The following DENND5A variants were observed in gnomAD, a reference collection of about 807,000 sequenced individuals.
DENND5A encodes DENN domain-containing protein 5A.
A neutral mutation model predicts 140.3 loss-of-function variants in DENND5A; 64 were observed. The observed-to-expected ratio is 0.46, with a 90% CI of 0.37 to 0.56. The LOEUF is 0.56. Among genes scored for constraint, DENND5A ranks in the 20% least tolerant of loss-of-function variants. The pLI is 0.00. For missense variants in DENND5A, 1,292 were observed against 1,593.8 expected, an observed-to-expected ratio of 0.81 and a Z score of 3.22; for synonymous variants, 605 against 607.7, an observed-to-expected ratio of 1.00 and a Z score of 0.07.
chr11:9,207,343 C>T, intron 2 of DENND5A: 1 of 528,368 alleles, frequency 1.9e-6, no homozygotes, highest in Admixed American at 3.5e-5. Context: ...CCCATTCCCC[C>T]TCCTAAAAAC....
At chr11:9,193,424 G>T in intron 5 of DENND5A, 70 bp downstream of exon 5, 1 of 1,261,640 alleles carries the variant, frequency 7.9e-7, no homozygotes, top group Non-Finnish European at 1.1e-6. Flanking sequence ...ATGCATGCTG[G>T]GTTCATCCCA....
At chr11:9,264,318 T>G (rs751994739) in intron 1 of DENND5A, among the ~76,000 whole-genome samples, 25 of 152,144 alleles carry the variant, frequency 1.6e-4, no homozygotes, top group Non-Finnish European at 3.4e-4. Context: ...CAAACGCCTC[T>G]GTCCTCATAA....
intron 4 of DENND5A, among the ~76,000 whole-genome samples, chr11:9,196,242 C>A (rs750145779): frequency 2.0e-5 from 3 of 152,132 alleles, no homozygotes; most frequent in Non-Finnish European, 4.4e-5. Context: ...TGTGAGCCAC[C>A]GTGCCCGGCC....
chr11:9,166,789 G>T (rs183896135), intron 10 of DENND5A, among the ~76,000 whole-genome samples: 21 of 151,910 alleles, frequency 1.4e-4, no homozygotes, highest in Middle Eastern at 3.4e-3. Flanking sequence ...CTGAGATCGC[G>T]CCACTGCACT....
chr11:9,238,608 G>T (rs1851102163), intron 1 of DENND5A, among the ~76,000 whole-genome samples: 1 of 151,680 alleles, frequency 6.6e-6, no homozygotes, highest in Non-Finnish European at 1.5e-5. Flanking sequence ...AGTAGATGGG[G>T]TTTCACCATG....
intron 21 of DENND5A, 150 bp downstream of exon 21, chr11:9,142,572 C>T: frequency 1.0e-6 from 1 of 1,004,156 alleles, no homozygotes; most frequent in South Asian, 1.6e-5. Flanking sequence ...CTTGTCACTC[C>T]CTTCAAGAAA....
At chr11:9,232,087 T>C (rs114947952) in intron 1 of DENND5A, among the ~76,000 whole-genome samples, 402 of 152,134 alleles carry the variant, frequency 2.6e-3, no homozygotes, top group African/African-American at 9.4e-3. Context: ...GCAGACTGTT[T>C]AAGAAAATTA....
chr11:9,214,083 T>G (rs1279666682), intron 1 of DENND5A, among the ~76,000 whole-genome samples: 1 of 152,194 alleles, frequency 6.6e-6, no homozygotes, highest in East Asian at 1.9e-4. Context: ...ATCAACTGAG[T>G]GTCGTCCATG....
chr11:9,213,956 A>G (rs1849985311), intron 1 of DENND5A, among the ~76,000 whole-genome samples: 1 of 152,164 alleles, frequency 6.6e-6, no homozygotes, highest in Admixed American at 6.5e-5. Flanking sequence ...CATCTGCAGC[A>G]AGAGTGATGA....
At chr11:9,247,474 C>T (rs1851527709) in intron 1 of DENND5A, among the ~76,000 whole-genome samples, 1 of 151,210 alleles carries the variant, frequency 6.6e-6, no homozygotes, top group Admixed American at 6.6e-5. Context: ...TCATACTGAC[C>T]TATGGCTTTT....
intron 1 of DENND5A, among the ~76,000 whole-genome samples, chr11:9,229,561 A>G (rs1281947090): frequency 1.3e-5 from 2 of 152,052 alleles, no homozygotes; most frequent in East Asian, 3.9e-4. Context: ...CATAATACCT[A>G]AAAAGTATTA....
At chr11:9,232,667 C>A (rs1352674224) in intron 1 of DENND5A, among the ~76,000 whole-genome samples, 2 of 152,154 alleles carry the variant, frequency 1.3e-5, no homozygotes, top group Non-Finnish European at 2.9e-5. Context: ...TCTGGCAGCA[C>A]CTACTAAAGC....
At chr11:9,263,368 G>C (rs1435422237) in intron 1 of DENND5A, among the ~76,000 whole-genome samples, 1 of 150,344 alleles carries the variant, frequency 6.7e-6, no homozygotes, top group African/African-American at 2.4e-5. Flanking sequence ...TTACAGGCAC[G>C]CGCCACGACG....
intron 8 of DENND5A, among the ~76,000 whole-genome samples, chr11:9,177,176 C>A (rs765525055): frequency 6.6e-6 from 1 of 150,764 alleles, no homozygotes; most frequent in African/African-American, 2.4e-5. Context: ...ATTGCTTGAG[C>A]CTAGGAAGTC....
chr11:9,154,182 A>C (rs765999061), intron 12 of DENND5A, among the ~76,000 whole-genome samples: 3 of 152,232 alleles, frequency 2.0e-5, no homozygotes, highest in Non-Finnish European at 4.4e-5. Context: ...ACAATATTTT[A>C]ATTAATGCTC....
chr11:9,159,380 G>T (rs1847907952), intron 12 of DENND5A, among the ~76,000 whole-genome samples: 1 of 150,444 alleles, frequency 6.6e-6, no homozygotes, highest in Admixed American at 6.6e-5. Flanking sequence ...GAGTGCAATG[G>T]TGCAATCTTG....
chr11:9,235,661 A>G (rs1171581567), intron 1 of DENND5A, among the ~76,000 whole-genome samples: 1 of 151,690 alleles, frequency 6.6e-6, no homozygotes, highest in Non-Finnish European at 1.5e-5. Context: ...CTGTCTCAAA[A>G]AAAAAAAAAA....
intron 1 of DENND5A, among the ~76,000 whole-genome samples, chr11:9,248,032 G>A (rs1484568057): frequency 6.6e-6 from 1 of 152,158 alleles, no homozygotes; most frequent in Non-Finnish European, 1.5e-5. Context: ...CTGTTGCCCA[G>A]GCTAGAGTGC....
In DENND5A at chr11:9,265,250, G is replaced by T. The variant is rs1029738289; in HGVS notation, c.-181C>A. ...CGCGGCTGCCGTGACGGGGCGGGGGGGCACCGGGCCGCCCCGCACCGCATC... is the reference window on the plus strand; with the variant it reads ...CGCGGCTGCCGTGACGGGGCGGGGGTGCACCGGGCCGCCCCGCACCGCATC... On this transcript the variant is annotated 5_prime_UTR_variant, in exon 1 of 23. Coordinates refer to ENST00000328194, the MANE Select transcript of DENND5A (RefSeq NM_015213.4). This position sits in a 1 kb window ranked among gnomAD's most constrained non-coding sequence, Gnocchi z 4.7. The T allele has an allele frequency of 7.7e-6, 2 of 258,166 alleles. No homozygotes were observed. The highest frequency in any genetic ancestry group is 1.4e-5 in the Non-Finnish European group (2 of 139,620). 16.0% of individuals were successfully genotyped at this position (258,166 alleles called of 1,614,324 possible). A position where few individuals can be genotyped will look rare whatever the true frequency, so the allele number is the denominator to read the frequency against.
Sources: allele counts gnomAD v4.1 joint callset (sites outside exome capture counted in the v4.1 genomes callset), GRCh38; gene constraint gnomAD v4.1.1; non-coding constraint Gnocchi (gnomAD v3.1); transcripts MANE v1.5; gene names NCBI Gene and HGNC (gene_info 2026-07-23, HGNC 2026-07-21).